Variants in ZNF567 observed in about 807,000 individuals in gnomAD.
The protein encoded by ZNF567 is zinc finger protein 567.
Under a neutral mutation model 53.9 loss-of-function variants are expected in ZNF567, and 36 were observed. The observed-to-expected ratio is 0.67, with a 90% CI of 0.51 to 0.88. ZNF567 has a LOEUF of 0.88. Ranked by LOEUF, ZNF567 falls within the 40% of genes least tolerant of loss-of-function variation. The probability of loss-of-function intolerance (pLI) is 0.00; values close to 1 mark genes in which losing one functional copy is unlikely to be tolerated. For synonymous variants in ZNF567, 224 were observed against 260.4 expected, an observed-to-expected ratio of 0.86 and a Z score of 1.35; for missense variants, 619 against 764.7, an observed-to-expected ratio of 0.81 and a Z score of 2.25.
intron 4 of ZNF567, 111 bp downstream of exon 4, chr19:36,712,623 G>C: frequency 6.7e-7 from 1 of 1,492,200 alleles, no homozygotes; most frequent in South Asian, 1.2e-5. Context: ...CTTTTCGTTA[G>C]CAGAATGAAT....
chr19:36,687,366 C>G (rs1440233274), upstream of ZNF567: 1 of 152,456 alleles, frequency 6.6e-6, no homozygotes, highest in Non-Finnish European at 1.5e-5. Context: ...CCCTGCACAC[C>G]CTGTCTGCGT....
At chr19:36,724,281 C>T (rs1600592623), downstream of ZNF567, among the ~76,000 whole-genome samples, 2 of 151,344 alleles carry the variant, frequency 1.3e-5, no homozygotes, top group Admixed American at 6.6e-5. Flanking sequence ...GCTGGGATTA[C>T]AGGCGTGAGC....
Position 36,695,024 on chromosome 19 carries a change from A to T in ZNF567, c.9+148A>T. On this transcript the variant is annotated intron_variant, in intron 3 of 5. Transcript: ENST00000682579. ...CCTCACTTCTTCCCATATTGGTCAG[A>T]TAAGACTCTACCTTCCACAAATGCT... The T allele has an allele frequency of 1.8e-5, 16 of 865,716 alleles. No individual in the cohort carries two copies. In the South Asian group the frequency reaches 2.9e-4, roughly 16 times the overall value. 53.6% of individuals were successfully genotyped at this position (865,716 alleles called of 1,614,324 possible). A position where few individuals can be genotyped will look rare whatever the true frequency, so the allele number is the denominator to read the frequency against.
chr19:36,723,491 G>A, downstream of ZNF567: 2 of 459,652 alleles, frequency 4.4e-6, no homozygotes, highest in East Asian at 7.3e-5. Context: ...TGAATATGAA[G>A]AACTAGAAAG....
In ZNF567 at chr19:36,700,768, A is replaced by G. The variant is rs549376579; in HGVS notation, c.9+5892A>G. ...GTATTTCTGTGGGATCGGTGGTGAT[A>G]TCCCATTTATCATCTTTTATTGCGT... is the stretch of plus-strand genomic sequence containing the variant. On this transcript the variant is annotated intron_variant, in intron 3 of 5. Coordinates refer to ENST00000682579, the MANE Select transcript of ZNF567 (RefSeq NM_001322917.1). Among the ~76,000 whole-genome samples the G allele has an allele frequency of 2.0e-5, 3 of 152,178 alleles. No homozygotes were observed. The South Asian group carries it at 6.2e-4, about 32-fold the overall frequency.
intron 3 of ZNF567, among the ~76,000 whole-genome samples, chr19:36,699,621 T>C (rs939197336): frequency 7.2e-5 from 11 of 152,196 alleles, no homozygotes; most frequent in Non-Finnish European, 1.3e-4. Context: ...GTAGTTCTCC[T>C]TGAAGAGGTC....
downstream of ZNF567, among the ~76,000 whole-genome samples, chr19:36,724,454 A>C (rs8105197): frequency 6.6e-6 from 1 of 151,400 alleles, no homozygotes; most frequent in Non-Finnish European, 1.5e-5. Flanking sequence ...AGGCTGAGGC[A>C]GTCTGATCAA....
chr19:36,688,636 T>C (rs376027791), intron 1 of ZNF567, among the ~76,000 whole-genome samples: 165 of 149,964 alleles, frequency 1.1e-3, no homozygotes, highest in Non-Finnish European at 1.8e-3. Context: ...TGAAACCCCG[T>C]CTCTACTAAA....
At chr19:36,676,158 C>T in the ZNF567 span, among the ~76,000 whole-genome samples, 1 of 140,624 alleles carries the variant, frequency 7.1e-6, no homozygotes, top group African/African-American at 2.7e-5. Flanking sequence ...CCTCTGCCTC[C>T]TGGGTCAAGC....
the ZNF567 span, among the ~76,000 whole-genome samples, chr19:36,670,724 G>C: frequency 1.3e-5 from 2 of 152,304 alleles, no homozygotes; most frequent in Admixed American, 1.3e-4. Context: ...CGCTTTCACT[G>C]TGCTGCCTCA....
the ZNF567 span, among the ~76,000 whole-genome samples, chr19:36,667,075 G>T: frequency 6.6e-6 from 1 of 152,214 alleles, no homozygotes; most frequent in African/African-American, 2.4e-5. Flanking sequence ...GCGGGCTGTG[G>T]CTGAAGATAA....
At chr19:36,675,199 T>C in the ZNF567 span, among the ~76,000 whole-genome samples, 2 of 152,202 alleles carry the variant, frequency 1.3e-5, no homozygotes, top group Non-Finnish European at 2.9e-5. Flanking sequence ...TAAAAGTATA[T>C]TTAAAACAAA....
chr19:36,700,599 G>C (rs1217795836), intron 3 of ZNF567, among the ~76,000 whole-genome samples: 8 of 152,116 alleles, frequency 5.3e-5, no homozygotes, highest in Admixed American at 1.3e-4. Context: ...CACAATTTCA[G>C]ATCCTGTTAT....
chr19:36,672,482 C>A, the ZNF567 span, among the ~76,000 whole-genome samples: 1 of 152,172 alleles, frequency 6.6e-6, no homozygotes, highest in Non-Finnish European at 1.5e-5. Flanking sequence ...TACCAAGCTA[C>A]CCTTATCATC....
chr19:36,712,240 G>A (rs770496431), intron 3 of ZNF567, 146 bp from the exon 4 acceptor site: 1 of 687,874 alleles, frequency 1.5e-6, no homozygotes, highest in African/African-American at 1.8e-5. Flanking sequence ...TAGACATGGG[G>A]TTTCACCATC....
downstream of ZNF567, among the ~76,000 whole-genome samples, chr19:36,725,208 T>A (rs1439888984): frequency 2.0e-5 from 3 of 151,878 alleles, no homozygotes; most frequent in South Asian, 2.1e-4. Context: ...TATTTAATTT[T>A]ATTTTATTTT....
the ZNF567 span, among the ~76,000 whole-genome samples, chr19:36,680,179 ATTAC>A: frequency 1.3e-5 from 2 of 152,188 alleles, no homozygotes; most frequent in South Asian, 4.1e-4. Flanking sequence ...ATATACAATT[ATTAC>A]TTGTCAATTA....
In ZNF567 at chr19:36,720,070, A is replaced by G. The variant is rs542177059; in HGVS notation, c.1346A>G (p.Tyr449Cys). The change falls in exon 6 of 6, where the codon TAT (tyrosine) becomes TGT (cysteine). Residue 449 changes from tyrosine to cysteine, a missense_variant. Physicochemically the swap from Tyr to Cys is radical, Grantham distance 194. Transcript: ENST00000682579. ...HEKTHNEEKP[Y>C]ICSECGKSFR... Reference sequence around the variant, plus strand: ...AAAACTCATAATGAGGAGAAACCCTATATTTGTAGTGAATGTGGAAAGTCC... The same window carrying G: ...AAAACTCATAATGAGGAGAAACCCTGTATTTGTAGTGAATGTGGAAAGTCC... The G allele has an allele frequency of 6.8e-6, 11 of 1,613,754 alleles. No individual in the cohort carries two copies. Among genetic ancestry groups the G allele is most frequent in the African/African-American group, 4.0e-5 (3 of 74,812 alleles).
At chr19:36,715,497 AATAATAATAATAATTATT>A (rs199536386) in intron 5 of ZNF567, among the ~76,000 whole-genome samples, 12,753 of 75,686 alleles carry the variant, frequency 0.17, 690 homozygotes, top group East Asian at 0.27. Context: ...TAATAATAAT[AATAATAATAATAATTATT>A]ATTATTATTA....
Sources: allele counts gnomAD v4.1 joint callset (sites outside exome capture counted in the v4.1 genomes callset), GRCh38; gene constraint gnomAD v4.1.1; transcripts MANE v1.5; gene names NCBI Gene and HGNC (gene_info 2026-07-23, HGNC 2026-07-21).